RAD50: variants seen among roughly 807,000 people sequenced by gnomAD.
The protein encoded by RAD50 is DNA repair protein RAD50.
In RAD50, 132 loss-of-function variants were observed where a neutral mutation model predicts 168.8. The observed-to-expected ratio is 0.78, with a 90% CI of 0.68 to 0.90. RAD50 has a LOEUF of 0.90. Ranked by LOEUF, RAD50 falls within the 40% of genes least tolerant of loss-of-function variation. The probability of loss-of-function intolerance (pLI) is 0.00; values close to 1 mark genes in which losing one functional copy is unlikely to be tolerated. For missense variants in RAD50, 1,347 were observed against 1,534.4 expected (o/e 0.88, Z 2.04); for synonymous variants, 525 against 497.4 (o/e 1.06, Z -0.74).
intron 21 of RAD50, among the ~76,000 whole-genome samples, chr5:132,629,867 C>T (rs1349866151): frequency 6.6e-6 from 1 of 151,966 alleles, no homozygotes; most frequent in Non-Finnish European, 1.5e-5. Context: ...GTCAGAGACA[C>T]ATAGATGAAA....
chr5:132,562,902 A>G (rs1174287754), intron 2 of RAD50, among the ~76,000 whole-genome samples: 5 of 152,218 alleles, frequency 3.3e-5, no homozygotes, highest in African/African-American at 4.8e-5. Context: ...AAACTGAGAG[A>G]GTGGTGTCTT....
At chr5:132,580,518 A>G (rs1750486670) in intron 5 of RAD50, among the ~76,000 whole-genome samples, 1 of 152,166 alleles carries the variant, frequency 6.6e-6, no homozygotes, top group African/African-American at 2.4e-5. Context: ...ACCCAACCTT[A>G]CAGTTCTGTA....
chr5:132,561,038 G>A (rs1192098597), intron 2 of RAD50, among the ~76,000 whole-genome samples: 1 of 152,186 alleles, frequency 6.6e-6, no homozygotes, highest in African/African-American at 2.4e-5. Context: ...AGAGTGGTCA[G>A]TTTCTAATTC....
intron 19 of RAD50, 122 bp downstream of exon 19, chr5:132,609,518 A>T (rs1581005109): frequency 6.8e-7 from 1 of 1,470,198 alleles, no homozygotes; most frequent in East Asian, 2.6e-5. Context: ...GTGGTGGCTC[A>T]CACCTGTAAT....
chr5:132,599,558 CTTGA>C (rs1231026744), intron 13 of RAD50, among the ~76,000 whole-genome samples: 1 of 151,988 alleles, frequency 6.6e-6, no homozygotes, highest in Non-Finnish European at 1.5e-5. Flanking sequence ...ATTAAGAGGA[CTTGA>C]TTGATTGATA....
chr5:132,596,831 G>T (rs1750799416), intron 13 of RAD50, among the ~76,000 whole-genome samples: 1 of 152,232 alleles, frequency 6.6e-6, no homozygotes, highest in South Asian at 2.1e-4. Context: ...AGAATGAGAA[G>T]AATATTTTGA....
chr5:132,626,129 C>CA (rs1751368630), intron 21 of RAD50, among the ~76,000 whole-genome samples: 1 of 152,128 alleles, frequency 6.6e-6, no homozygotes, highest in Non-Finnish European at 1.5e-5. Context: ...CTCAGCCTCC[C>CA]ACAGTGCTGG....
intron 2 of RAD50, among the ~76,000 whole-genome samples, chr5:132,574,046 A>T (rs1750352873): frequency 6.6e-6 from 1 of 152,136 alleles, no homozygotes; most frequent in Non-Finnish European, 1.5e-5. Flanking sequence ...TGGATCTATT[A>T]TTCTGGGGGA....
chr5:132,556,977 A>C lies in RAD50; in HGVS notation c.-348A>C, dbSNP rs1479843895. 1.1e-6 allele frequency: 1 copy of C among 948,900 alleles called. No individual in the cohort carries two copies. The highest frequency in any genetic ancestry group is 1.4e-6 in the Non-Finnish European group (1 of 696,630). The allele number at this position is 948,900 out of a possible 1,614,324, so 58.8% of individuals were successfully genotyped here. On this transcript the variant is annotated 5_prime_UTR_variant, in exon 1 of 25. Transcript: ENST00000378823. ...TGGACGCGTGCGGGCCTAGAGGCCCACGTGATCCGCAGGGCGGCCGAGGCA... is the reference window on the plus strand; with the variant it reads ...TGGACGCGTGCGGGCCTAGAGGCCCCCGTGATCCGCAGGGCGGCCGAGGCA...
intron 13 of RAD50, among the ~76,000 whole-genome samples, 169 bp downstream of exon 13, chr5:132,595,979 T>C (rs764857422): frequency 6.6e-6 from 1 of 152,052 alleles, no homozygotes; most frequent in Non-Finnish European, 1.5e-5. Context: ...AAGATAAGCT[T>C]GTTTCCTGTC....
At chr5:132,578,818 C>T (rs959894037) in intron 3 of RAD50, among the ~76,000 whole-genome samples, 2 of 151,832 alleles carry the variant, frequency 1.3e-5, no homozygotes, top group African/African-American at 4.8e-5. Flanking sequence ...CATGAGCCAC[C>T]GTGCCTGGCC....
At chr5:132,605,113 C>T (rs111918483) in intron 16 of RAD50, 114 bp downstream of exon 16, 40 of 706,414 alleles carry the variant, frequency 5.7e-5, no homozygotes, top group African/African-American at 3.0e-4. Context: ...AGCACGATCT[C>T]GGCTCACTGC....
At chr5:132,581,919 C>T (rs574853126) in intron 5 of RAD50, among the ~76,000 whole-genome samples, 110 of 151,992 alleles carry the variant, frequency 7.2e-4, no homozygotes, top group Non-Finnish European at 1.3e-3. Context: ...TCTTGAGGAG[C>T]ATCTTGGTTG....
rs1554101201 is a variant in RAD50 at position 132,640,786 on chromosome 5, C to G, written c.3733C>G (p.Leu1245Val). The G allele has an allele frequency of 6.2e-7, 1 of 1,613,224 alleles. No individual in the cohort carries two copies. Among genetic ancestry groups the G allele is most frequent in the Non-Finnish European group, 8.5e-7 (1 of 1,179,478 alleles). ...TNLDRENIESLAHALVEIIKS... is the reference protein window; with the variant it reads ...TNLDRENIESVAHALVEIIKS... ...TCTTGACCGAGAAAACATTGAATCT[C>G]TTGCACATGCTCTGGTTGAGTAAGT... Residue 1245 changes from leucine to valine, a missense_variant, in exon 24 of 25, where the codon CTT (leucine) becomes GTT (valine). By Grantham distance (32) the Leu-to-Val change is conservative. Transcript: ENST00000378823.
At chr5:132,637,822 G>A (rs1386777408) in intron 22 of RAD50, among the ~76,000 whole-genome samples, 3 of 152,122 alleles carry the variant, frequency 2.0e-5, no homozygotes, top group East Asian at 1.9e-4. Flanking sequence ...GTGAGCCACC[G>A]CGCCTGGCCT....
At chr5:132,627,888 G>A (rs1266037303) in intron 21 of RAD50, among the ~76,000 whole-genome samples, 2 of 152,242 alleles carry the variant, frequency 1.3e-5, no homozygotes, top group Non-Finnish European at 1.5e-5. Flanking sequence ...TAGATCAGGT[G>A]GTAGCAGTGA....
Position 132,618,200 on chromosome 5 carries a change from G to T in RAD50, c.3295G>T (p.Asp1099Tyr). Reference sequence around the variant, plus strand: ...AGAACTTCGAGAACCACAATTTCGGGATGCTGAGGAAAAGTATAGAGAAAT... The same window carrying T: ...AGAACTTCGAGAACCACAATTTCGGTATGCTGAGGAAAAGTATAGAGAAAT... ...KKELREPQFR[D>Y]AEEKYREMMI... Residue 1099 changes from aspartate to tyrosine, a missense_variant, in exon 21 of 25, where the codon GAT becomes TAT. Asp to Tyr is a radical substitution (Grantham distance 160). Transcript: ENST00000378823. The T allele has an allele frequency of 6.2e-7, 1 of 1,613,950 alleles. No individual in the cohort carries two copies. The highest frequency in any genetic ancestry group is 1.1e-5 in the South Asian group (1 of 91,062).
At chr5:132,593,658 T>G (rs1032975015) in intron 11 of RAD50, 1 of 152,290 alleles carries the variant, frequency 6.6e-6, no homozygotes, top group Non-Finnish European at 1.5e-5. Flanking sequence ...TTTGGTGGTG[T>G]TTAATCTGTG....
At chr5:132,590,456 T>C (rs992797030) in intron 9 of RAD50, among the ~76,000 whole-genome samples, 1 of 152,026 alleles carries the variant, frequency 6.6e-6, no homozygotes, top group Non-Finnish European at 1.5e-5. Flanking sequence ...GGTGACAGAG[T>C]GGGACTCCAT....
Sources: allele counts gnomAD v4.1 joint callset (sites outside exome capture counted in the v4.1 genomes callset), GRCh38; gene constraint gnomAD v4.1.1; transcripts MANE v1.5; gene names NCBI Gene and HGNC (gene_info 2026-07-23, HGNC 2026-07-21).